The following TMCC2 variants were observed in gnomAD, a reference collection of about 807,000 sequenced individuals.
TMCC2 encodes the protein transmembrane and coiled-coil domain family 2.
TMCC2 carries 16 observed loss-of-function variants against 49.4 expected under a neutral mutation model. The observed-to-expected ratio is 0.32, with a 90% confidence interval of 0.22 to 0.49. The LOEUF (loss-of-function observed/expected upper bound fraction) is 0.49, where lower values mean the gene tolerates loss of function less well. Ranked by LOEUF, TMCC2 falls within the 20% of genes least tolerant of loss-of-function variation. TMCC2 has a pLI of 0.99. For missense variants in TMCC2, 762 were observed against 989.8 expected (o/e 0.77, Z 3.09); for synonymous variants, 397 against 434.1 (o/e 0.91, Z 1.06).
intron 2 of TMCC2, among the ~76,000 whole-genome samples, chr1:205,243,025 G>A (rs548670676): frequency 2.0e-5 from 3 of 152,338 alleles, no homozygotes; most frequent in East Asian, 3.9e-4. Flanking sequence ...TGGGAGTAGT[G>A]TGAAGCTATC....
chr1:205,272,007 C>A lies in TMCC2; in HGVS notation c.2013C>A (p.Leu671=). The change falls in exon 5 of 5, where the codon CTC becomes CTA. Residue 671 remains leucine (L), a synonymous_variant. Coordinates refer to ENST00000358024, the MANE Select transcript of TMCC2 (RefSeq NM_014858.4). ...VSTIANFITP[L]MKTRLRITST... is the part of the protein sequence containing the mutation. ...CCATCGCCAACTTCATCACGCCCCTCATGAAGACACGCCTGCGCATCACCA... is the reference window on the plus strand; with the variant it reads ...CCATCGCCAACTTCATCACGCCCCTAATGAAGACACGCCTGCGCATCACCA... 1 of 1,614,232 alleles carries A rather than the reference C, an allele frequency of 6.2e-7. No individual in the cohort carries two copies. Among genetic ancestry groups the A allele is most frequent in the Non-Finnish European group, 8.5e-7 (1 of 1,180,038 alleles).
chr1:205,249,906 G>C (rs1008406269), intron 2 of TMCC2, among the ~76,000 whole-genome samples: 1 of 152,226 alleles, frequency 6.6e-6, no homozygotes, highest in Non-Finnish European at 1.5e-5. Flanking sequence ...ATGAATTGCT[G>C]CTCCCTGTCT....
intron 1 of TMCC2, among the ~76,000 whole-genome samples, chr1:205,231,041 A>G (rs1659780584): frequency 1.6e-5 from 2 of 124,990 alleles, no homozygotes; most frequent in Non-Finnish European, 3.2e-5. Flanking sequence ...GAACCCAGCA[A>G]TGTGGACCCA....
chr1:205,247,526 C>G (rs1660498627), intron 2 of TMCC2, among the ~76,000 whole-genome samples: 1 of 152,148 alleles, frequency 6.6e-6, no homozygotes, highest in Non-Finnish European at 1.5e-5. Flanking sequence ...AAGGTTGCTT[C>G]CCTGTCACAG....
intron 2 of TMCC2, among the ~76,000 whole-genome samples, chr1:205,254,268 C>G (rs1574852004): frequency 6.6e-6 from 1 of 152,222 alleles, no homozygotes; most frequent in African/African-American, 2.4e-5. Flanking sequence ...ACACATTCAC[C>G]TTAACCCCCT....
Position 205,241,037 on chromosome 1 carries a change from G to A in TMCC2, c.208-468G>A, listed in dbSNP as rs1660242432. On this transcript the variant is annotated intron_variant, in intron 1 of 4. Coordinates refer to ENST00000358024, the MANE Select transcript of TMCC2 (RefSeq NM_014858.4). The surrounding 1 kb of genome is among the most constrained non-coding windows in gnomAD (Gnocchi z 7.3). ...TTGTATGACCCTGATTTTACTGGGG[G>A]AATGTTGGAATTAGGCAACTTTGGA... 6.6e-6 allele frequency among the ~76,000 whole-genome samples: 1 copy of A among 152,174 alleles called. No individual in the cohort carries two copies. The highest frequency in any genetic ancestry group is 1.5e-5 in the Non-Finnish European group (1 of 68,038).
rs1410184529 is a variant in TMCC2, at chr1:205,241,446, A to G, written c.208-59A>G. 8 of 1,556,308 alleles carry G rather than the reference A, an allele frequency of 5.1e-6. No homozygotes were observed. The South Asian group carries it at 7.2e-5, about 14-fold the overall frequency. ...ACAGACCCTTCACCTTCACCCTCCT[A>G]CTGACTAGGCAATCAAGAGCTTTCC... On this transcript the variant is annotated intron_variant, in intron 1 of 4. Transcript: ENST00000358024. The surrounding 1 kb of genome is among the most constrained non-coding windows in gnomAD (Gnocchi z 7.3).
At chr1:205,244,067 G>A (rs1431570504) in intron 2 of TMCC2, among the ~76,000 whole-genome samples, 2 of 152,238 alleles carry the variant, frequency 1.3e-5, no homozygotes, top group African/African-American at 4.8e-5. Flanking sequence ...ATGTGCACAG[G>A]CAGTAGCAAG....
chr1:205,228,839 G>C (rs2102510663), intron 1 of TMCC2, 68 bp downstream of exon 1: 2 of 1,509,622 alleles, frequency 1.3e-6, no homozygotes, highest in South Asian at 1.3e-5. Flanking sequence ...ACGCAGAAGT[G>C]CTTTAACAGG....
rs1248397682 is a variant in TMCC2, at chr1:205,247,723, C to G, written c.747+5679C>G. Among the ~76,000 whole-genome samples, 9 of 152,262 alleles carry G rather than the reference C, an allele frequency of 5.9e-5. No individual in the cohort carries two copies. In the East Asian group the frequency reaches 1.4e-3, roughly 23 times the overall value. On this transcript the variant is annotated intron_variant, in intron 2 of 4. Transcript: ENST00000358024. ...CTCTCTGCAAGATCCCTGGCGGTTA[C>G]TAGCATCTATTTTTAATTCATAAGC... is the stretch of plus-strand genomic sequence containing the variant.
At chr1:205,229,475 C>T (rs992030860) in intron 1 of TMCC2, 17 of 307,778 alleles carry the variant, frequency 5.5e-5, no homozygotes, top group Non-Finnish European at 7.4e-5. Context: ...CGTGAGCCAC[C>T]GTGCCGGGCC....
intron 2 of TMCC2, among the ~76,000 whole-genome samples, chr1:205,261,517 C>T (rs1045018598): frequency 1.3e-5 from 2 of 151,958 alleles, no homozygotes; most frequent in Non-Finnish European, 2.9e-5. Flanking sequence ...TATTTCCTTT[C>T]TAAAAATTAC....
intron 2 of TMCC2, among the ~76,000 whole-genome samples, chr1:205,257,019 GC>G (rs1003798610): frequency 7.1e-6 from 1 of 140,230 alleles, no homozygotes; most frequent in Non-Finnish European, 1.5e-5. Flanking sequence ...GTGTCCTTAT[GC>G]ACACAACTCA....
intron 2 of TMCC2, among the ~76,000 whole-genome samples, chr1:205,254,835 C>T (rs1336911235): frequency 1.3e-5 from 2 of 152,228 alleles, no homozygotes; most frequent in Non-Finnish European, 2.9e-5. Context: ...CCAGGGCTCT[C>T]AGCTCACTCG....
chr1:205,267,770 C>G (rs968202088), intron 2 of TMCC2: 2 of 496,948 alleles, frequency 4.0e-6, no homozygotes, highest in South Asian at 1.7e-4. Flanking sequence ...TGGTGCCACC[C>G]TGATGCACTC....
rs1367974001 is a variant in TMCC2 at position 205,273,215 on chromosome 1, T to G, written c.*1091T>G. 2.6e-5 allele frequency: 4 copies of G among 152,208 alleles called. No individual in the cohort carries two copies. The highest frequency in any genetic ancestry group is 4.4e-5 in the Non-Finnish European group (3 of 68,046). The allele number at this position is 152,208 out of a possible 1,614,324, so 9.4% of individuals were successfully genotyped here. On this transcript the variant is annotated 3_prime_UTR_variant, in exon 5 of 5. Transcript: ENST00000358024. ...TTTCTTTTCACATCCCAGCCTCCCA[T>G]GGGCACTTCTAAGAAGAGAGGGGAT...
Position 205,269,581 on chromosome 1 carries a change from C to T in TMCC2, c.1379C>T (p.Ala460Val), listed in dbSNP as rs1224576130. 5.6e-6 allele frequency: 9 copies of T among 1,613,724 alleles called. No homozygotes were observed. In the African/African-American group the frequency reaches 9.3e-5, roughly 17 times the overall value. Residue 460 changes from alanine to valine, a missense_variant, in exon 3 of 5, where the codon GCA becomes GTA. By Grantham distance (64) the Ala-to-Val change is moderately conservative (BLOSUM62 0). Coordinates refer to ENST00000358024, the MANE Select transcript of TMCC2 (RefSeq NM_014858.4). Reference sequence around the variant, plus strand: ...GGGCCCCCTGAGGAGGCAGCCCGGGCACTGAGCGGCAGTGCCACACTCGTC... The same window carrying T: ...GGGCCCCCTGAGGAGGCAGCCCGGGTACTGAGCGGCAGTGCCACACTCGTC... ...EDGPPEEAAR[A>V]LSGSATLVSS...
intron 2 of TMCC2, chr1:205,256,252 C>CTGCCATTAGAGAGA (rs1469435361): frequency 1.4e-5 from 21 of 1,527,040 alleles, no homozygotes; most frequent in Non-Finnish European, 1.8e-5. Context: ...CTGTGAGAAG[C>CTGCCATTAGAGAGA]TGCCATTAGA....
At chr1:205,233,572 T>C (rs919811122) in intron 1 of TMCC2, among the ~76,000 whole-genome samples, 68 of 152,184 alleles carry the variant, frequency 4.5e-4, no homozygotes, top group African/African-American at 1.5e-3. Context: ...CCTTCACCAC[T>C]CCTGCAGAGA....
Sources: allele counts gnomAD v4.1 joint callset (sites outside exome capture counted in the v4.1 genomes callset), GRCh38; gene constraint gnomAD v4.1.1; non-coding constraint Gnocchi (gnomAD v3.1); transcripts MANE v1.5; gene names NCBI Gene and HGNC (gene_info 2026-07-23, HGNC 2026-07-21).